The following CNTNAP2 variants were observed in gnomAD, a reference collection of about 807,000 sequenced individuals.
CNTNAP2 encodes the protein contactin associated protein 2.
A neutral mutation model predicts 155.2 loss-of-function variants in CNTNAP2; 98 were observed. The ratio of observed to expected loss-of-function variants is 0.63; its 90% CI spans 0.54 to 0.75. CNTNAP2 has a LOEUF of 0.75. Ranked by LOEUF, CNTNAP2 falls within the 30% of genes least tolerant of loss-of-function variation. CNTNAP2 has a pLI of 0.00. For synonymous variants in CNTNAP2, 651 were observed against 631.2 expected (o/e 1.03, Z -0.47); for missense variants, 1,727 against 1,688.1 (o/e 1.02, Z -0.40).
chr7:147,519,009 G>T (rs919126265), intron 11 of CNTNAP2, among the ~76,000 whole-genome samples: 1 of 132,404 alleles, frequency 7.6e-6, no homozygotes, highest in Admixed American at 8.1e-5. Context: ...CCAGCCTGGC[G>T]ACAGACTCTG....
At chr7:146,896,734 T>C (rs1238350080) in intron 3 of CNTNAP2, among the ~76,000 whole-genome samples, 1 of 152,100 alleles carries the variant, frequency 6.6e-6, no homozygotes, top group Admixed American at 6.6e-5. Flanking sequence ...AAGCTTTTGC[T>C]TAAATAATTC....
intron 13 of CNTNAP2, among the ~76,000 whole-genome samples, chr7:147,822,155 A>T (rs973406003): frequency 6.6e-6 from 1 of 152,120 alleles, no homozygotes; most frequent in African/African-American, 2.4e-5. Context: ...ATGGACTAGA[A>T]TATGATGGAA....
chr7:147,112,344 TATTTGA>T, intron 5 of CNTNAP2, among the ~76,000 whole-genome samples: 1 of 152,308 alleles, frequency 6.6e-6, no homozygotes, highest in South Asian at 2.1e-4. Flanking sequence ...CCTTTCTTCC[TATTTGA>T]ATACCCTTTG....
Position 148,237,891 on chromosome 7 carries a change from A to G in CNTNAP2, c.3381+8112A>G, listed in dbSNP as rs1424835335. On this transcript the variant is annotated intron_variant, in intron 20 of 23. Transcript: ENST00000361727. ...ACTTTCACATAACCTCCTCAAGCCC[A>G]GAGAAAAATCTCTGTAGACTTGAGA... Among the ~76,000 whole-genome samples the G allele has an allele frequency of 2.6e-5, 4 of 152,194 alleles. No homozygotes were observed. The East Asian group carries it at 7.7e-4, about 29-fold the overall frequency.
intron 1 of CNTNAP2, among the ~76,000 whole-genome samples, chr7:146,278,100 G>A (rs1800192845): frequency 6.6e-6 from 1 of 152,126 alleles, no homozygotes; most frequent in Admixed American, 6.6e-5. Context: ...ACTTTTTTTG[G>A]TTCTATGATA....
chr7:147,468,143 T>G (rs1239979010), intron 10 of CNTNAP2, among the ~76,000 whole-genome samples: 1 of 151,864 alleles, frequency 6.6e-6, no homozygotes. Context: ...AAAATATAAT[T>G]AGTTGGGTGT....
chr7:148,317,787 G>A (rs1463821845), intron 21 of CNTNAP2, among the ~76,000 whole-genome samples: 1 of 151,298 alleles, frequency 6.6e-6, no homozygotes, highest in Non-Finnish European at 1.5e-5. Context: ...TGCAAGCTCC[G>A]CCTCCCGGGT....
At chr7:146,321,428 G>C (rs10255169) in intron 1 of CNTNAP2, among the ~76,000 whole-genome samples, 40,174 of 152,128 alleles carry the variant, frequency 0.26, 12,790 homozygotes, top group African/African-American at 0.77. Context: ...AACTCACTGT[G>C]TGGATCTCAG....
At chr7:148,151,988 G>T (rs570370082) in intron 17 of CNTNAP2, among the ~76,000 whole-genome samples, 1 of 152,216 alleles carries the variant, frequency 6.6e-6, no homozygotes, top group African/African-American at 2.4e-5. Context: ...CTCCACCTAG[G>T]TTCCGGAAGG....
chr7:146,221,802 C>T (rs1039519439), intron 1 of CNTNAP2, among the ~76,000 whole-genome samples: 3 of 152,150 alleles, frequency 2.0e-5, no homozygotes, highest in African/African-American at 7.2e-5. Flanking sequence ...GGACTGTTTA[C>T]TTCTTAACAT....
At chr7:146,118,376 A>G (rs1305427937) in intron 1 of CNTNAP2, among the ~76,000 whole-genome samples, 1 of 152,172 alleles carries the variant, frequency 6.6e-6, no homozygotes, top group Non-Finnish European at 1.5e-5. Context: ...TGTCAATTTT[A>G]TAAATTTAAA....
At chr7:146,250,210 G>A (rs983021025) in intron 1 of CNTNAP2, among the ~76,000 whole-genome samples, 1 of 152,158 alleles carries the variant, frequency 6.6e-6, no homozygotes, top group African/African-American at 2.4e-5. Flanking sequence ...TAGTACCTTT[G>A]TCTGAGGCTT....
At chr7:148,329,840 C>T (rs1585277739) in intron 21 of CNTNAP2, among the ~76,000 whole-genome samples, 1 of 152,040 alleles carries the variant, frequency 6.6e-6, no homozygotes, top group South Asian at 2.1e-4. Context: ...ATCTCTTCAC[C>T]CTCGAAGCTT....
intron 1 of CNTNAP2, among the ~76,000 whole-genome samples, chr7:146,533,330 G>A (rs1481149177): frequency 4.6e-5 from 7 of 151,978 alleles, no homozygotes; most frequent in Non-Finnish European, 1.5e-5. Context: ...GTCTATTTGT[G>A]GATAAGGGAA....
intron 13 of CNTNAP2, among the ~76,000 whole-genome samples, chr7:147,821,543 G>C (rs1361477755): frequency 6.6e-6 from 1 of 152,172 alleles, no homozygotes; most frequent in Non-Finnish European, 1.5e-5. Flanking sequence ...AAACATGACA[G>C]AAAGAGGCAA....
chr7:147,925,350 T>C (rs1372611458), intron 14 of CNTNAP2, among the ~76,000 whole-genome samples: 3 of 148,382 alleles, frequency 2.0e-5, no homozygotes, highest in African/African-American at 7.4e-5. Context: ...CCCATGATCA[T>C]TCAACACAGG....
chr7:146,911,336 G>T (rs887868529), intron 3 of CNTNAP2, among the ~76,000 whole-genome samples: 2 of 152,018 alleles, frequency 1.3e-5, no homozygotes, highest in Non-Finnish European at 2.9e-5. Context: ...AAATCATGCT[G>T]CTATAAAGAC....
intron 1 of CNTNAP2, among the ~76,000 whole-genome samples, chr7:146,722,954 G>T (rs1447622954): frequency 1.3e-5 from 2 of 152,120 alleles, no homozygotes; most frequent in Admixed American, 6.6e-5. Context: ...GGCAGAGTTT[G>T]CAGTGAGCCA....
chr7:148,408,143 G>T (rs1196591579), intron 22 of CNTNAP2, among the ~76,000 whole-genome samples: 1 of 152,150 alleles, frequency 6.6e-6, no homozygotes, highest in African/African-American at 2.4e-5. Flanking sequence ...TACTTGGGAG[G>T]CTGAGGCAGG....
Sources: gnomAD v4.1 joint callset for allele counts (sites outside exome capture counted in the v4.1 genomes callset) on GRCh38, gnomAD v4.1.1 for gene constraint, MANE v1.5 for transcripts, NCBI Gene and HGNC (gene_info 2026-07-23, HGNC 2026-07-21) for gene names.